The following LHFPL6 variants were observed in gnomAD, a reference collection of about 807,000 sequenced individuals.
LHFPL6 encodes LHFPL tetraspan subfamily member 6 protein.
A neutral mutation model predicts 20.6 loss-of-function variants in LHFPL6; 9 were observed. The observed-to-expected ratio is 0.44, with a 90% CI of 0.26 to 0.76. The LOEUF is 0.76. LHFPL6 is among the 30% of genes least tolerant of loss of function. The pLI is 0.20. For synonymous variants in LHFPL6, 105 were observed against 98.7 expected (o/e 1.06, Z -0.38); for missense variants, 218 against 253.5 (o/e 0.86, Z 0.95).
At chr13:39,364,215 G>T (rs562018217) in intron 3 of LHFPL6, among the ~76,000 whole-genome samples, 4 of 152,204 alleles carry the variant, frequency 2.6e-5, no homozygotes, top group Non-Finnish European at 5.9e-5. Context: ...CAGAGAAACC[G>T]GCCCTGGAAG....
chr13:39,359,200 G>A (rs947693184), intron 3 of LHFPL6, among the ~76,000 whole-genome samples: 4 of 152,126 alleles, frequency 2.6e-5, no homozygotes, highest in African/African-American at 9.7e-5. Flanking sequence ...TGGCAGGACT[G>A]TGAAGAAAAG....
At chr13:39,591,266 C>A (rs1410684599) in intron 2 of LHFPL6, among the ~76,000 whole-genome samples, 1 of 152,132 alleles carries the variant, frequency 6.6e-6, no homozygotes, top group East Asian at 1.9e-4. Context: ...CACATTGTTG[C>A]AGGACGAAGG....
At chr13:39,400,836 T>G (rs1870972170) in intron 2 of LHFPL6, among the ~76,000 whole-genome samples, 1 of 147,732 alleles carries the variant, frequency 6.8e-6, no homozygotes, top group Non-Finnish European at 1.5e-5. Flanking sequence ...AATACTCTTA[T>G]ATATCTTCCC....
chr13:39,544,635 T>C (rs922029584), intron 2 of LHFPL6, among the ~76,000 whole-genome samples: 12 of 151,322 alleles, frequency 7.9e-5, no homozygotes, highest in Non-Finnish European at 1.0e-4. Context: ...CAGACTACAT[T>C]GAATGGGAAT....
intron 2 of LHFPL6, among the ~76,000 whole-genome samples, chr13:39,442,282 C>T (rs1354921085): frequency 6.6e-6 from 1 of 152,022 alleles, no homozygotes; most frequent in African/African-American, 2.4e-5. Flanking sequence ...CACAAATTCC[C>T]TTTATTTCTT....
At chr13:39,506,362 G>A (rs1301044042) in intron 2 of LHFPL6, among the ~76,000 whole-genome samples, 1 of 152,148 alleles carries the variant, frequency 6.6e-6, no homozygotes. Flanking sequence ...GGTGTTCAGT[G>A]ATGAATACGA....
chr13:39,343,243 T>C lies in LHFPL6; in HGVS notation c.*693A>G, dbSNP rs1034641741. Reference sequence around the variant, plus strand: ...TGTTGAGGAACTAAATTAGAGTTTATGCAGGATATACAAAATACTGATAGT... The same window carrying C: ...TGTTGAGGAACTAAATTAGAGTTTACGCAGGATATACAAAATACTGATAGT... On this transcript the variant is annotated 3_prime_UTR_variant, in exon 4 of 4. Coordinates refer to ENST00000379589, the MANE Select transcript of LHFPL6 (RefSeq NM_005780.3). 2 of 214,850 alleles carry C rather than the reference T, an allele frequency of 9.3e-6. No homozygotes were observed. The highest frequency in any genetic ancestry group is 2.3e-5 in the African/African-American group (1 of 44,384). 13.3% of individuals were successfully genotyped at this position (214,850 alleles called of 1,614,324 possible).
intron 2 of LHFPL6, among the ~76,000 whole-genome samples, chr13:39,460,873 G>C (rs1207091487): frequency 6.6e-6 from 1 of 152,088 alleles, no homozygotes; most frequent in Non-Finnish European, 1.5e-5. Context: ...TGCATGTGCA[G>C]GTTTGTTACA....
At chr13:39,482,779 A>G (rs149286626) in intron 2 of LHFPL6, among the ~76,000 whole-genome samples, 3 of 152,300 alleles carry the variant, frequency 2.0e-5, no homozygotes, top group African/African-American at 7.2e-5. Flanking sequence ...AACTGTATGA[A>G]AGCTACCAAA....
rs573560080 is a variant in LHFPL6 at position 39,463,855 on chromosome 13, C to T, written c.386-85329G>A. On this transcript the variant is annotated intron_variant, in intron 2 of 3. Coordinates refer to ENST00000379589, the MANE Select transcript of LHFPL6 (RefSeq NM_005780.3). Reference sequence around the variant, plus strand: ...TGATTTGTAGACTGCAAATATGACACACTGCAGACAGTCTGCTATTCCTGC... The same window carrying T: ...TGATTTGTAGACTGCAAATATGACATACTGCAGACAGTCTGCTATTCCTGC... Among the ~76,000 whole-genome samples, 6 of 152,312 alleles carry T rather than the reference C, an allele frequency of 3.9e-5. No individual in the cohort carries two copies. The East Asian group carries it at 1.2e-3, about 29-fold the overall frequency.
intron 2 of LHFPL6, among the ~76,000 whole-genome samples, chr13:39,554,956 T>A (rs1871258786): frequency 6.6e-6 from 1 of 152,224 alleles, no homozygotes; most frequent in Middle Eastern, 3.2e-3. Context: ...GTGTTGTGGA[T>A]CTGGGGTCTT....
chr13:39,505,894 A>T (rs1188695052), intron 2 of LHFPL6, among the ~76,000 whole-genome samples: 1 of 152,238 alleles, frequency 6.6e-6, no homozygotes, highest in East Asian at 1.9e-4. Context: ...TCCTCTAAAC[A>T]AGGATGCATT....
chr13:39,451,120 G>A (rs1371055477), intron 2 of LHFPL6, among the ~76,000 whole-genome samples: 1 of 152,022 alleles, frequency 6.6e-6, no homozygotes, highest in African/African-American at 2.4e-5. Context: ...GTGCACTGAA[G>A]CTAAAATGGA....
At chr13:39,515,310 T>C (rs1210688860) in intron 2 of LHFPL6, among the ~76,000 whole-genome samples, 1 of 152,112 alleles carries the variant, frequency 6.6e-6, no homozygotes, top group Non-Finnish European at 1.5e-5. Flanking sequence ...CCATCAAGGG[T>C]TGAGGATTTT....
At chr13:39,485,742 C>T (rs28609347) in intron 2 of LHFPL6, among the ~76,000 whole-genome samples, 9,119 of 152,030 alleles carry the variant, frequency 0.06, 478 homozygotes, top group East Asian at 0.13. Context: ...ATGAATGAGC[C>T]CAATTTTTCA....
chr13:39,380,614 T>C (rs1314306717), intron 2 of LHFPL6, among the ~76,000 whole-genome samples: 1 of 150,974 alleles, frequency 6.6e-6, no homozygotes, highest in African/African-American at 2.4e-5. Flanking sequence ...CATCTCTGCC[T>C]CCTGAGTAGC....
At chr13:39,355,517 T>A (rs745695851) in intron 3 of LHFPL6, among the ~76,000 whole-genome samples, 32 of 152,072 alleles carry the variant, frequency 2.1e-4, no homozygotes, top group Non-Finnish European at 3.7e-4. Flanking sequence ...GATAACATGA[T>A]CAAAACCTCA....
chr13:39,545,341 T>C (rs9532398), intron 2 of LHFPL6, among the ~76,000 whole-genome samples: 118,480 of 151,284 alleles, frequency 0.78, 46,797 homozygotes, highest in South Asian at 0.88. Context: ...GTATTGGCTC[T>C]CTCACCACCT....
At chr13:39,447,019 TAAATGAAC>T (rs1283595498) in intron 2 of LHFPL6, among the ~76,000 whole-genome samples, 1 of 152,188 alleles carries the variant, frequency 6.6e-6, no homozygotes, top group Non-Finnish European at 1.5e-5. Context: ...CACAGACTAT[TAAATGAAC>T]AAATTAGAGC....
Sources: allele counts gnomAD v4.1 joint callset (sites outside exome capture counted in the v4.1 genomes callset), GRCh38; gene constraint gnomAD v4.1.1; transcripts MANE v1.5; gene names NCBI Gene and HGNC (gene_info 2026-07-23, HGNC 2026-07-21).